F13A1: variants seen among roughly 807,000 people sequenced by gnomAD.
F13A1 encodes FSF, A subunit.
Under a neutral mutation model 80.1 loss-of-function variants are expected in F13A1, and 47 were observed. That is an observed-to-expected ratio of 0.59 (90% CI 0.46 to 0.75). F13A1 has a LOEUF of 0.75. F13A1 is among the 30% of genes least tolerant of loss of function. The pLI is 0.00. For synonymous variants in F13A1, 349 were observed against 344.9 expected (o/e 1.01, Z -0.13); for missense variants, 817 against 930.4 (o/e 0.88, Z 1.59).
intron 3 of F13A1, among the ~76,000 whole-genome samples, chr6:6,270,203 T>G (rs931585838): frequency 1.3e-5 from 2 of 152,150 alleles, no homozygotes; most frequent in South Asian, 4.1e-4. Context: ...CCTTAGAGGA[T>G]TTCACATTTT....
At chr6:6,285,685 C>T (rs190905745) in intron 3 of F13A1, among the ~76,000 whole-genome samples, 3 of 152,328 alleles carry the variant, frequency 2.0e-5, no homozygotes, top group East Asian at 1.9e-4. Flanking sequence ...GGGCTTCCCC[C>T]ACTACGCACA....
At chr6:6,221,950 C>T (rs1757201180) in intron 8 of F13A1, 83 bp downstream of exon 8, 3 of 1,492,632 alleles carry the variant, frequency 2.0e-6, no homozygotes, top group Non-Finnish European at 2.8e-6. Context: ...AGAACAGAAA[C>T]ATCAGATTGA....
In F13A1 at chr6:6,250,892, T is replaced by C. The variant is rs1373761695; in HGVS notation, c.609A>G (p.Glu203=). ...AVYLDNEKER[E]EYVLNDIGVI... is the part of the protein sequence containing the mutation. The stretch of plus-strand genomic sequence containing the variant: ...CCCCGATGTCATTCAGGACATACTC[T>C]TCTCTTTCTTTCTCATTGTCCAGAT... Residue 203 remains glutamate, a synonymous_variant, in exon 5 of 15, where the codon GAA becomes GAG. Coordinates refer to ENST00000264870, the MANE Select transcript of F13A1 (RefSeq NM_000129.4). The surrounding 1 kb of genome is among the most constrained non-coding windows in gnomAD (Gnocchi z 4.2). The C allele has an allele frequency of 1.2e-6, 2 of 1,613,242 alleles. No individual in the cohort carries two copies. Among genetic ancestry groups the C allele is most frequent in the South Asian group, 1.1e-5 (1 of 91,076 alleles).
At chr6:6,268,167 C>T (rs1017185817) in intron 3 of F13A1, among the ~76,000 whole-genome samples, 3 of 152,214 alleles carry the variant, frequency 2.0e-5, no homozygotes, top group Admixed American at 2.0e-4. Flanking sequence ...ATGTGCTAGA[C>T]ATTATCCTAA....
intron 3 of F13A1, among the ~76,000 whole-genome samples, chr6:6,277,741 T>G (rs1427174770): frequency 6.6e-6 from 1 of 152,240 alleles, no homozygotes; most frequent in East Asian, 1.9e-4. Flanking sequence ...CTTCACCTTT[T>G]GATGTATAGG....
intron 4 of F13A1, among the ~76,000 whole-genome samples, chr6:6,264,352 T>C (rs1757815973): frequency 6.6e-6 from 1 of 152,244 alleles, no homozygotes; most frequent in Non-Finnish European, 1.5e-5. Flanking sequence ...AACAGTTATA[T>C]GTAGCCTAGG....
At chr6:6,180,145 A>T (rs1441655990) in intron 11 of F13A1, among the ~76,000 whole-genome samples, 1 of 152,156 alleles carries the variant, frequency 6.6e-6, no homozygotes, top group African/African-American at 2.4e-5. Flanking sequence ...CAAATACGAG[A>T]GTTCTCACCA....
At chr6:6,283,461 C>T (rs1004317403) in intron 3 of F13A1, among the ~76,000 whole-genome samples, 5 of 152,172 alleles carry the variant, frequency 3.3e-5, no homozygotes, top group African/African-American at 1.2e-4. Context: ...TGTCTTTGCT[C>T]ATAGGTAGTA....
chr6:6,152,262 TC>T (rs1760392785), intron 13 of F13A1, among the ~76,000 whole-genome samples: 1 of 152,208 alleles, frequency 6.6e-6, no homozygotes, highest in Non-Finnish European at 1.5e-5. Flanking sequence ...GCAACACGTT[TC>T]CACGGTGAGG....
intron 7 of F13A1, among the ~76,000 whole-genome samples, chr6:6,224,124 G>T (rs1403178473): frequency 6.6e-6 from 1 of 152,134 alleles, no homozygotes; most frequent in East Asian, 1.9e-4. Flanking sequence ...AAACTGGAGA[G>T]GGAAAGATTG....
intron 6 of F13A1, among the ~76,000 whole-genome samples, chr6:6,229,261 A>G (rs1757318454): frequency 6.6e-6 from 1 of 152,208 alleles, no homozygotes; most frequent in Non-Finnish European, 1.5e-5. Flanking sequence ...ATATACATAG[A>G]AGAAAACGAA....
chr6:6,213,355 A>G (rs1473502849), intron 8 of F13A1, among the ~76,000 whole-genome samples: 1 of 152,204 alleles, frequency 6.6e-6, no homozygotes, highest in Non-Finnish European at 1.5e-5. Context: ...ACAAGCCAGA[A>G]GAGAGTGGGG....
intron 14 of F13A1, among the ~76,000 whole-genome samples, chr6:6,148,547 T>C (rs1361878974): frequency 6.6e-6 from 1 of 152,224 alleles, no homozygotes; most frequent in African/African-American, 2.4e-5. Flanking sequence ...TTGCACTTTC[T>C]AGGCGTCCAA....
chr6:6,173,689 A>G (rs968150930), intron 12 of F13A1, among the ~76,000 whole-genome samples: 1 of 152,082 alleles, frequency 6.6e-6, no homozygotes, highest in Non-Finnish European at 1.5e-5. Context: ...ATTACAGGAG[A>G]CAGCGTTTTA....
chr6:6,260,080 T>C (rs1489902447), intron 4 of F13A1, among the ~76,000 whole-genome samples: 1 of 152,170 alleles, frequency 6.6e-6, no homozygotes, highest in African/African-American at 2.4e-5. Context: ...GTGGGTACAG[T>C]TCTCTCTAAC....
chr6:6,245,202 T>C (rs2113094481), intron 6 of F13A1, among the ~76,000 whole-genome samples: 1 of 152,254 alleles, frequency 6.6e-6, no homozygotes, highest in South Asian at 2.1e-4. Flanking sequence ...AATATAAATA[T>C]ACTGAACAAT....
intron 8 of F13A1, among the ~76,000 whole-genome samples, chr6:6,208,826 A>G (rs577378428): frequency 6.6e-6 from 1 of 152,282 alleles, no homozygotes; most frequent in East Asian, 1.9e-4. Flanking sequence ...ATACATACAT[A>G]AAAAGTTAAC....
chr6:6,269,931 C>G (rs1279900117), intron 3 of F13A1, among the ~76,000 whole-genome samples: 1 of 152,112 alleles, frequency 6.6e-6, no homozygotes, highest in Non-Finnish European at 1.5e-5. Context: ...CCAGGATGGT[C>G]TTGATCTCCT....
Position 6,145,577 on chromosome 6 carries a change from C to G in F13A1, c.*42G>C. The G allele has an allele frequency of 6.2e-7, 1 of 1,613,966 alleles. No individual in the cohort carries two copies. Among genetic ancestry groups the G allele is most frequent in the Non-Finnish European group, 8.5e-7 (1 of 1,179,888 alleles). ...GTTAGAATTTCCTTAGCCAAGACTA[C>G]AAGAGGCCAAATGCCAGGGTTCATC... On this transcript the variant is annotated 3_prime_UTR_variant, in exon 15 of 15. Coordinates refer to ENST00000264870, the MANE Select transcript of F13A1 (RefSeq NM_000129.4).
Sources: allele counts gnomAD v4.1 joint callset (sites outside exome capture counted in the v4.1 genomes callset), GRCh38; gene constraint gnomAD v4.1.1; non-coding constraint Gnocchi (gnomAD v3.1); transcripts MANE v1.5; gene names NCBI Gene and HGNC (gene_info 2026-07-23, HGNC 2026-07-21).